Variants in RANBP2 observed in about 807,000 individuals in gnomAD.
RANBP2 encodes the protein RAN binding protein 2.
In RANBP2, 57 loss-of-function variants were observed where a neutral mutation model predicts 303.6. That is an observed-to-expected ratio of 0.19 (90% CI 0.15 to 0.23). RANBP2 has a LOEUF of 0.23. Ranked by LOEUF, RANBP2 falls within the 10% of genes least tolerant of loss-of-function variation. The pLI is 1.00. For missense variants in RANBP2, 3,138 were observed against 3,780.8 expected (o/e 0.83, Z 4.46); for synonymous variants, 1,167 against 1,301.5 (o/e 0.90, Z 2.23).
the RANBP2 span, among the ~76,000 whole-genome samples, chr2:109,068,037 C>G: frequency 6.6e-6 from 1 of 152,230 alleles, no homozygotes; most frequent in Non-Finnish European, 1.5e-5. Flanking sequence ...CTCACATGCT[C>G]CCCTGTAAGG....
the RANBP2 span, among the ~76,000 whole-genome samples, chr2:108,802,471 A>G: frequency 8.4e-5 from 12 of 143,072 alleles, no homozygotes; most frequent in African/African-American, 2.8e-4. Context: ...ATTTTTGTAC[A>G]TTGATTTTGT....
the RANBP2 span, among the ~76,000 whole-genome samples, chr2:108,954,392 C>T: frequency 6.6e-6 from 1 of 152,198 alleles, no homozygotes; most frequent in African/African-American, 2.4e-5. Flanking sequence ...AGACATTCTG[C>T]AGCCTACCTG....
At chr2:109,443,755 A>G in the RANBP2 span, among the ~76,000 whole-genome samples, 3 of 152,246 alleles carry the variant, frequency 2.0e-5, no homozygotes, top group African/African-American at 4.8e-5. Flanking sequence ...CATAAGCAAT[A>G]TGGATAAAGG....
chr2:109,234,477 A>G, the RANBP2 span, among the ~76,000 whole-genome samples: 1 of 152,272 alleles, frequency 6.6e-6, no homozygotes, highest in Non-Finnish European at 1.5e-5. Flanking sequence ...ACACTGGGCT[A>G]GAGAACACAC....
the RANBP2 span, among the ~76,000 whole-genome samples, chr2:109,255,884 C>T: frequency 1.3e-5 from 2 of 152,182 alleles, no homozygotes; most frequent in African/African-American, 4.8e-5. Context: ...TTGCCCTTTT[C>T]ATTCTCCCTG....
At chr2:108,909,811 A>C in the RANBP2 span, among the ~76,000 whole-genome samples, 1 of 152,250 alleles carries the variant, frequency 6.6e-6, no homozygotes, top group African/African-American at 2.4e-5. Flanking sequence ...TTCACCTGCC[A>C]AATCTCCTCC....
chr2:109,437,150 C>T, the RANBP2 span: 1 of 1,606,278 alleles, frequency 6.2e-7, no homozygotes, highest in Non-Finnish European at 8.5e-7. Context: ...TCAACAGGTA[C>T]CTTCACAGGG....
At chr2:109,129,408 G>C in the RANBP2 span, 1 of 1,432,094 alleles carries the variant, frequency 7.0e-7, no homozygotes, top group Non-Finnish European at 9.3e-7. Context: ...CCCTAGCATC[G>C]GGCCACCAGC....
At chr2:109,387,046 A>G in the RANBP2 span, among the ~76,000 whole-genome samples, 20 of 152,356 alleles carry the variant, frequency 1.3e-4, 1 homozygote, top group Middle Eastern at 0.027. Flanking sequence ...GAAAATTAAA[A>G]TCACCCATAA....
At chr2:109,464,224 G>A in the RANBP2 span, among the ~76,000 whole-genome samples, 5 of 151,822 alleles carry the variant, frequency 3.3e-5, no homozygotes, top group East Asian at 9.7e-4. Context: ...TCCTCTTGTC[G>A]GGCAAAATCT....
the RANBP2 span, among the ~76,000 whole-genome samples, chr2:109,374,876 C>T: frequency 7.0e-3 from 1,059 of 152,330 alleles, 12 homozygotes; most frequent in African/African-American, 0.024. Flanking sequence ...GGCCATGATG[C>T]TAAGCCCACG....
chr2:108,863,406 T>C, the RANBP2 span, among the ~76,000 whole-genome samples: 66 of 152,306 alleles, frequency 4.3e-4, no homozygotes, highest in African/African-American at 1.5e-3. Flanking sequence ...AAGGGTGTGC[T>C]GTACTTTAGA....
chr2:109,601,872 C>T, the RANBP2 span, among the ~76,000 whole-genome samples: 6 of 152,040 alleles, frequency 3.9e-5, no homozygotes, highest in Non-Finnish European at 8.8e-5. Context: ...GGAAATATGA[C>T]TTTTTCCCAA....
In RANBP2 at chr2:108,785,630, CT is replaced by C. The variant is rs1366579389; in HGVS notation, c.*1731del. The C allele has an allele frequency of 1.3e-5, 2 of 152,104 alleles. No homozygotes were observed. Among genetic ancestry groups the C allele is most frequent in the Non-Finnish European group, 1.5e-5 (1 of 68,018 alleles). 9.4% of individuals were successfully genotyped at this position (152,104 alleles called of 1,614,324 possible). On this transcript the variant is annotated 3_prime_UTR_variant, in exon 29 of 29. Coordinates refer to ENST00000283195, the MANE Select transcript of RANBP2 (RefSeq NM_006267.5). ...GTATTCCAAAGATGCTTAAAAGTGG[CT>C]TGTGGCATTTATGAGAAAGTCTTTG... is the stretch of plus-strand genomic sequence containing the variant.
At chr2:109,593,409 C>CTTTTTTTTTTTTTTTT in the RANBP2 span, among the ~76,000 whole-genome samples, 1 of 133,804 alleles carries the variant, frequency 7.5e-6, no homozygotes, top group African/African-American at 2.8e-5. Context: ...AGAGAAAGAA[C>CTTTTTTTTTTTTTTTT]TTTTTTTTTT....
At chr2:109,352,931 T>C in the RANBP2 span, among the ~76,000 whole-genome samples, 1 of 152,238 alleles carries the variant, frequency 6.6e-6, no homozygotes, top group Non-Finnish European at 1.5e-5. Context: ...ATCTGAAGCT[T>C]TGCCAGAAAT....
the RANBP2 span, among the ~76,000 whole-genome samples, chr2:109,031,635 C>T: frequency 6.6e-6 from 1 of 152,120 alleles, no homozygotes; most frequent in Admixed American, 6.5e-5. Flanking sequence ...CCCTGCAGCT[C>T]GGCCGGGAAG....
the RANBP2 span, among the ~76,000 whole-genome samples, chr2:109,363,201 C>T: frequency 6.6e-6 from 1 of 151,440 alleles, no homozygotes; most frequent in Admixed American, 6.6e-5. Flanking sequence ...TTTCTATTTT[C>T]TCTCCTTTAT....
At chr2:109,092,506 C>A in the RANBP2 span, among the ~76,000 whole-genome samples, 1 of 152,278 alleles carries the variant, frequency 6.6e-6, no homozygotes, top group African/African-American at 2.4e-5. Context: ...TGGTCAACAC[C>A]TTGCAAAATT....
Sources: gnomAD v4.1 joint callset for allele counts (sites outside exome capture counted in the v4.1 genomes callset) on GRCh38, gnomAD v4.1.1 for gene constraint, MANE v1.5 for transcripts, NCBI Gene and HGNC (gene_info 2026-07-23, HGNC 2026-07-21) for gene names.